The following SAPCD2 variants were observed in gnomAD, a reference collection of about 807,000 sequenced individuals.
The protein encoded by SAPCD2 is suppressor APC domain containing 2.
A neutral mutation model predicts 37.8 loss-of-function variants in SAPCD2; 34 were observed. The observed-to-expected ratio is 0.90, with a 90% confidence interval of 0.68 to 1.20. The LOEUF (loss-of-function observed/expected upper bound fraction) is 1.20, where lower values mean the gene tolerates loss of function less well. Among genes scored for constraint, SAPCD2 ranks in the 50% most tolerant of loss-of-function variants. The pLI is 0.00. For missense variants in SAPCD2, 572 were observed against 584.7 expected (o/e 0.98, Z 0.22); for synonymous variants, 275 against 270.3 (o/e 1.02, Z -0.17).
Position 137,064,983 on chromosome 9 carries a change from C to T in SAPCD2, c.940-4G>A, listed in dbSNP as rs1049820757. On this transcript the variant is annotated splice_polypyrimidine_tract_variant and splice_region_variant and intron_variant, in intron 4 of 5. Coordinates refer to ENST00000409687, the MANE Select transcript of SAPCD2 (RefSeq NM_178448.4). ...CGGAGGAGGACGGGGGCAGGGCCTG[C>T]GGGAGGGCAGGATTAGGCAGGCCTG... 28 of 1,507,828 alleles carry T rather than the reference C, an allele frequency of 1.9e-5. No individual in the cohort carries two copies. The highest frequency in any genetic ancestry group is 2.4e-5 in the South Asian group (2 of 82,534). The allele number at this position is 1,507,828 out of a possible 1,614,324, so 93.4% of individuals were successfully genotyped here.
At position 137,064,305 on chromosome 9, in the gene SAPCD2, C is replaced by T; in HGVS notation, c.*354G>A. On this transcript the variant is annotated 3_prime_UTR_variant, in exon 6 of 6. Coordinates refer to ENST00000409687, the MANE Select transcript of SAPCD2 (RefSeq NM_178448.4). ...CAGCCTGGCGTGGGCAGTGCCTTTC[C>T]CTGAAGATGGGACCCAGGGCGGCAC... 2.9e-6 allele frequency: 1 copy of T among 344,290 alleles called. No individual in the cohort carries two copies. Among genetic ancestry groups the T allele is most frequent in the Non-Finnish European group, 5.5e-6 (1 of 183,442 alleles). The allele number at this position is 344,290 out of a possible 1,614,324, so 21.3% of individuals were successfully genotyped here. A position where few individuals can be genotyped will look rare whatever the true frequency, so the allele number is the denominator to read the frequency against.
chr9:137,067,644 T>G (rs189335420), intron 1 of SAPCD2, among the ~76,000 whole-genome samples: 95 of 150,638 alleles, frequency 6.3e-4, no homozygotes, highest in Non-Finnish European at 6.1e-4. Context: ...CGTGGTGGCA[T>G]GCACCTGTAA....
In SAPCD2 at chr9:137,065,119, G is replaced by A. The variant is rs776049731; in HGVS notation, c.898C>T (p.Arg300Trp). Residue 300 changes from arginine to tryptophan, a missense_variant, in exon 4 of 6, where the codon CGG (arginine) becomes TGG (tryptophan). Transcript: ENST00000409687. ...RLLPKVQEVA[R>W]CLGELLAAAC... ...GCAGCCAGCAGCTCCCCCAGGCACC[G>A]GGCCACCTCTTGTACCTTGGGCAGT... 17 of 1,544,942 alleles carry A rather than the reference G, an allele frequency of 1.1e-5. No individual in the cohort carries two copies. Among genetic ancestry groups the A allele is most frequent in the African/African-American group, 4.1e-5 (3 of 73,254 alleles).
chr9:137,068,188 C>T (rs567638810), intron 1 of SAPCD2, among the ~76,000 whole-genome samples: 11 of 152,362 alleles, frequency 7.2e-5, no homozygotes, highest in East Asian at 3.9e-4. Context: ...CGGTGCTGAG[C>T]GGCTGGCAGC....
intron 1 of SAPCD2, 41 bp from the exon 2 acceptor site, chr9:137,066,415 G>T (rs759414980): frequency 2.7e-6 from 4 of 1,459,094 alleles, no homozygotes; most frequent in African/African-American, 1.4e-5. Flanking sequence ...CTCCAGACCT[G>T]CCTGGCCAGG....
Position 137,070,353 on chromosome 9 carries a change from G to T in SAPCD2, c.108C>A (p.Phe36Leu). The stretch of plus-strand genomic sequence containing the variant: ...CGCGCCGCCGGTCGTCCAGGATGTC[G>T]AACAGGGTGCGCAGGCTCTGCAGGA... ...RAFLQSLRTL[F>L]DILDDRRRGC... is the part of the protein sequence containing the mutation. The change falls in exon 1 of 6, where the codon TTC (phenylalanine) becomes TTA (leucine). Residue 36 changes from phenylalanine (F) to leucine (L), a missense_variant. Phe to Leu is a conservative substitution (Grantham distance 22). Coordinates refer to ENST00000409687, the MANE Select transcript of SAPCD2 (RefSeq NM_178448.4). The T allele has an allele frequency of 6.8e-7, 1 of 1,468,526 alleles. No homozygotes were observed. The highest frequency in any genetic ancestry group is 9.0e-7 in the Non-Finnish European group (1 of 1,111,798). 91.0% of individuals were successfully genotyped at this position (1,468,526 alleles called of 1,614,324 possible). A position where few individuals can be genotyped will look rare whatever the true frequency, so the allele number is the denominator to read the frequency against.
intron 1 of SAPCD2, among the ~76,000 whole-genome samples, chr9:137,067,994 G>C (rs1189890869): frequency 6.6e-6 from 1 of 152,144 alleles, no homozygotes; most frequent in Non-Finnish European, 1.5e-5. Context: ...ACAGAAGTGG[G>C]TACAGGTGTG....
chr9:137,065,143 G>C lies in SAPCD2; in HGVS notation c.874C>G (p.Leu292Val). 6.6e-7 allele frequency: 1 copy of C among 1,524,336 alleles called. No individual in the cohort carries two copies. The highest frequency in any genetic ancestry group is 8.8e-7 in the Non-Finnish European group (1 of 1,136,612). The allele number at this position is 1,524,336 out of a possible 1,614,324, so 94.4% of individuals were successfully genotyped here. A position where few individuals can be genotyped will look rare whatever the true frequency, so the allele number is the denominator to read the frequency against. Residue 292 changes from leucine (L) to valine (V), a missense_variant, in exon 4 of 6, where the codon CTG (leucine) becomes GTG (valine). Physicochemically the swap from Leu to Val is conservative, Grantham distance 32. Transcript: ENST00000409687. The part of the protein sequence containing the change: ...AGSPRPLGRL[L>V]PKVQEVARCL... Reference sequence around the variant, plus strand: ...CGGGCCACCTCTTGTACCTTGGGCAGTAGCCGCCCCAGTGGGCGGGGGCTC... The same window carrying C: ...CGGGCCACCTCTTGTACCTTGGGCACTAGCCGCCCCAGTGGGCGGGGGCTC...
At chr9:137,067,730 G>A (rs1014375342) in intron 1 of SAPCD2, among the ~76,000 whole-genome samples, 7 of 127,396 alleles carry the variant, frequency 5.5e-5, no homozygotes, top group Middle Eastern at 6.7e-3. Context: ...GCTGAGATTC[G>A]CGCCACTGCA....
chr9:137,068,016 C>T (rs1306312798), intron 1 of SAPCD2, among the ~76,000 whole-genome samples: 2 of 152,150 alleles, frequency 1.3e-5, no homozygotes, highest in Non-Finnish European at 2.9e-5. Context: ...AGGAAGGCAT[C>T]CTCCTTCGGC....
chr9:137,064,514 C>T lies in SAPCD2; in HGVS notation c.*145G>A. 1.1e-6 allele frequency: 1 copy of T among 934,096 alleles called. No individual in the cohort carries two copies. Among genetic ancestry groups the T allele is most frequent in the Admixed American group, 2.7e-5 (1 of 37,162 alleles). 57.9% of individuals were successfully genotyped at this position (934,096 alleles called of 1,614,324 possible). A position where few individuals can be genotyped will look rare whatever the true frequency, so the allele number is the denominator to read the frequency against. Reference sequence around the variant, plus strand: ...GGGCAGGCCTGGGGAGCCCATCTGGCAAGGGCGGCAGGAAGGCGCCCACTC... The same window carrying T: ...GGGCAGGCCTGGGGAGCCCATCTGGTAAGGGCGGCAGGAAGGCGCCCACTC... On this transcript the variant is annotated 3_prime_UTR_variant, in exon 6 of 6. Transcript: ENST00000409687.
Position 137,069,988 on chromosome 9 carries a change from G to T in SAPCD2, c.473C>A (p.Pro158Gln). Residue 158 changes from proline to glutamine, a missense_variant, in exon 1 of 6, where the codon CCG (proline) becomes CAG (glutamine). Coordinates refer to ENST00000409687, the MANE Select transcript of SAPCD2 (RefSeq NM_178448.4). ...CTCAGCCGGGGCGCACAGCTGCTCC[G>T]GGCTGCGGGCGGCGGCGCTGGGACC... is the stretch of plus-strand genomic sequence containing the variant. Reference protein sequence around the residue: ...LAGPSAAARSPEQLCAPAEAA... With the variant: ...LAGPSAAARSQEQLCAPAEAA... The T allele has an allele frequency of 8.1e-7, 1 of 1,227,894 alleles. No individual in the cohort carries two copies. Among genetic ancestry groups the T allele is most frequent in the Non-Finnish European group, 1.0e-6 (1 of 985,680 alleles). 76.1% of individuals were successfully genotyped at this position (1,227,894 alleles called of 1,614,324 possible).
At chr9:137,069,325 C>A (rs1832591704) in intron 1 of SAPCD2, among the ~76,000 whole-genome samples, 1 of 152,188 alleles carries the variant, frequency 6.6e-6, no homozygotes, top group African/African-American at 2.4e-5. Context: ...CACTGGGGTG[C>A]AGGAGATCCA....
At position 137,070,417 on chromosome 9, in the gene SAPCD2, G is replaced by A; in HGVS notation, c.44C>T (p.Pro15Leu). The stretch of plus-strand genomic sequence containing the variant: ...CCCCTCCGTGCTGGGCGCGGGTGCG[G>A]GGGGAGGCACGCGGCCCCGCTCGGC... ...AMAERGRVPP[P>L]APAPSTEGLP... Residue 15 changes from proline (P) to leucine (L), a missense_variant, in exon 1 of 6, where the codon CCC (proline) becomes CTC (leucine). Physicochemically the swap from Pro to Leu is moderately conservative, Grantham distance 98. Coordinates refer to ENST00000409687, the MANE Select transcript of SAPCD2 (RefSeq NM_178448.4). 5 of 1,301,362 alleles carry A rather than the reference G, an allele frequency of 3.8e-6. No individual in the cohort carries two copies. Among genetic ancestry groups the A allele is most frequent in the Non-Finnish European group, 4.9e-6 (5 of 1,024,786 alleles). 80.6% of individuals were successfully genotyped at this position (1,301,362 alleles called of 1,614,324 possible). A position where few individuals can be genotyped will look rare whatever the true frequency, so the allele number is the denominator to read the frequency against.
At chr9:137,067,801 A>AAAAAAAAAAC (rs1832570171) in intron 1 of SAPCD2, among the ~76,000 whole-genome samples, 1 of 136,920 alleles carries the variant, frequency 7.3e-6, no homozygotes, top group Non-Finnish European at 1.5e-5. Context: ...AAAAAAAAAA[A>AAAAAAAAAAC]AGTCCCGCGT....
At position 137,063,608 on chromosome 9, in the gene SAPCD2, A is replaced by G. The variant is rs1832495722; in HGVS notation, c.*1051T>C. ...TTGCCGTGCCCCTGGTTCTGGTGACACTGGGACCCTCCAGGTTGGGCTGAG... is the reference window on the plus strand; with the variant it reads ...TTGCCGTGCCCCTGGTTCTGGTGACGCTGGGACCCTCCAGGTTGGGCTGAG... On this transcript the variant is annotated 3_prime_UTR_variant, in exon 6 of 6. Coordinates refer to ENST00000409687, the MANE Select transcript of SAPCD2 (RefSeq NM_178448.4). The G allele has an allele frequency of 6.6e-6, 1 of 152,286 alleles. No individual in the cohort carries two copies. The highest frequency in any genetic ancestry group is 1.5e-5 in the Non-Finnish European group (1 of 68,130). 9.4% of individuals were successfully genotyped at this position (152,286 alleles called of 1,614,324 possible). A position where few individuals can be genotyped will look rare whatever the true frequency, so the allele number is the denominator to read the frequency against.
chr9:137,068,785 C>T (rs1179432473), intron 1 of SAPCD2, among the ~76,000 whole-genome samples: 6 of 152,194 alleles, frequency 3.9e-5, no homozygotes, highest in Non-Finnish European at 4.4e-5. Flanking sequence ...CCGGCCACAG[C>T]GTGCAATCCC....
Position 137,065,610 on chromosome 9 carries a change from A to G in SAPCD2, c.743T>C (p.Met248Thr). Residue 248 changes from methionine (M) to threonine (T), a missense_variant, in exon 3 of 6, where the codon ATG (methionine) becomes ACG (threonine). Physicochemically the swap from Met to Thr is moderately conservative, Grantham distance 81 (BLOSUM62 -1). Coordinates refer to ENST00000409687, the MANE Select transcript of SAPCD2 (RefSeq NM_178448.4). Reference protein sequence around the residue: ...EKEVLLQGLEMMARGRDWYQQ... With the variant: ...EKEVLLQGLETMARGRDWYQQ... ...GTACCAGTCGCGGCCCCGCGCCATC[A>G]TCTCCAAACCCTGCAGCAGCACCTC... The G allele has an allele frequency of 6.2e-7, 1 of 1,609,886 alleles. No individual in the cohort carries two copies. Among genetic ancestry groups the G allele is most frequent in the Non-Finnish European group, 8.5e-7 (1 of 1,177,866 alleles).
At chr9:137,065,279 C>T (rs560418341) in intron 3 of SAPCD2, 94 bp from the exon 4 acceptor site, 5 of 994,232 alleles carry the variant, frequency 5.0e-6, no homozygotes, top group Middle Eastern at 2.2e-4. Flanking sequence ...GGCTCTCCTG[C>T]CTCCTGATGC....
Sources: allele counts gnomAD v4.1 joint callset (sites outside exome capture counted in the v4.1 genomes callset), GRCh38; gene constraint gnomAD v4.1.1; transcripts MANE v1.5; gene names NCBI Gene and HGNC (gene_info 2026-07-23, HGNC 2026-07-21).